KCNMB2: variants seen among roughly 807,000 people sequenced by gnomAD.
The protein encoded by KCNMB2 is calcium-activated potassium channel subunit beta-2.
A neutral mutation model predicts 24.5 loss-of-function variants in KCNMB2; 9 were observed. The ratio of observed to expected loss-of-function variants is 0.37; its 90% confidence interval spans 0.22 to 0.64. KCNMB2 has a LOEUF of 0.64. KCNMB2 is among the 30% of genes least tolerant of loss of function. KCNMB2 has a pLI of 0.63. For synonymous variants in KCNMB2, 109 were observed against 104.4 expected, an observed-to-expected ratio of 1.04 and a Z score of -0.27; for missense variants, 226 against 284.3, an observed-to-expected ratio of 0.79 and a Z score of 1.47.
chr3:178,788,945 T>C (rs1379235430), intron 1 of KCNMB2, among the ~76,000 whole-genome samples: 1 of 152,178 alleles, frequency 6.6e-6, no homozygotes. Flanking sequence ...AGCTAAAAGT[T>C]CAGTATTTGT....
intron 1 of KCNMB2, among the ~76,000 whole-genome samples, chr3:178,588,407 C>A (rs1717537618): frequency 6.6e-6 from 1 of 152,048 alleles, no homozygotes; most frequent in South Asian, 2.1e-4. Context: ...TAAAACTCTG[C>A]CTTAAGAGAG....
At chr3:178,619,301 AC>A (rs988786342) in intron 1 of KCNMB2, among the ~76,000 whole-genome samples, 7 of 152,206 alleles carry the variant, frequency 4.6e-5, no homozygotes, top group Admixed American at 1.3e-4. Context: ...GTCAGAAGTC[AC>A]ATGGAAATTG....
Position 178,756,196 on chromosome 3 carries a change from T to G in KCNMB2, c.-67-51147T>G, listed in dbSNP as rs143314746. 3.1e-3 allele frequency among the ~76,000 whole-genome samples: 464 copies of G among 152,056 alleles called. 3 individuals carry two copies. Among genetic ancestry groups the G allele is most frequent in the African/African-American group, 0.011 (444 of 41,502 alleles). ...AAATATACATATTAAAGGGTATATATAGATTTTCCACATGTGTGTGTATAT... is the reference window on the plus strand; with the variant it reads ...AAATATACATATTAAAGGGTATATAGAGATTTTCCACATGTGTGTGTATAT... On this transcript the variant is annotated intron_variant, in intron 1 of 4. Coordinates refer to ENST00000452583, the MANE Select transcript of KCNMB2 (RefSeq NM_181361.3).
At chr3:178,678,861 G>A (rs35069012) in intron 1 of KCNMB2, among the ~76,000 whole-genome samples, 49,392 of 151,832 alleles carry the variant, frequency 0.33, 8,701 homozygotes, top group African/African-American at 0.46. Flanking sequence ...TCACATTACC[G>A]GGCTCAATGT....
intron 4 of KCNMB2, among the ~76,000 whole-genome samples, chr3:178,841,300 T>C (rs757833536): frequency 6.6e-6 from 1 of 152,196 alleles, no homozygotes; most frequent in Non-Finnish European, 1.5e-5. Context: ...CTCAAAACCA[T>C]TCAACAAATC....
chr3:178,801,071 G>T (rs1713756286), intron 1 of KCNMB2, among the ~76,000 whole-genome samples: 1 of 151,748 alleles, frequency 6.6e-6, no homozygotes, highest in Non-Finnish European at 1.5e-5. Context: ...ATGGTTAATG[G>T]GTACAAAATA....
chr3:178,672,877 C>T (rs1720951276), intron 1 of KCNMB2, among the ~76,000 whole-genome samples: 1 of 152,152 alleles, frequency 6.6e-6, no homozygotes, highest in African/African-American at 2.4e-5. Flanking sequence ...GGTCATACCT[C>T]CAGGCTTGTC....
intron 4 of KCNMB2, among the ~76,000 whole-genome samples, chr3:178,839,716 A>T (rs1419225463): frequency 1.3e-5 from 2 of 152,092 alleles, no homozygotes; most frequent in African/African-American, 4.8e-5. Flanking sequence ...AAACCATCAC[A>T]TCTCATGAGA....
chr3:178,791,865 A>C (rs1560023458), intron 1 of KCNMB2, among the ~76,000 whole-genome samples: 2 of 152,036 alleles, frequency 1.3e-5, no homozygotes. Flanking sequence ...AAAAAAAAAA[A>C]AACTTTCCTC....
intron 4 of KCNMB2, among the ~76,000 whole-genome samples, chr3:178,838,416 T>C (rs1439078357): frequency 1.3e-5 from 2 of 152,178 alleles, no homozygotes; most frequent in East Asian, 3.9e-4. Context: ...TATTCTTAGC[T>C]GGTTAAATTT....
At chr3:178,739,531 G>C (rs1250906448) in intron 1 of KCNMB2, among the ~76,000 whole-genome samples, 2 of 152,116 alleles carry the variant, frequency 1.3e-5, no homozygotes, top group African/African-American at 2.4e-5. Context: ...ACCATGCTTG[G>C]TATAGGCTCT....
chr3:178,777,965 T>C lies in KCNMB2; in HGVS notation c.-67-29378T>C, dbSNP rs374827196. ...ATTATTTCCCCAGCTCCATGATTCA[T>C]CGTGGACAGCTCTAGACAAATGCTC... On this transcript the variant is annotated intron_variant, in intron 1 of 4. Coordinates refer to ENST00000452583, the MANE Select transcript of KCNMB2 (RefSeq NM_181361.3). Among the ~76,000 whole-genome samples the C allele has an allele frequency of 3.5e-4, 54 of 152,312 alleles. 1 individual carries two copies. In the South Asian group the frequency reaches 0.011, roughly 31 times the overall value.
intron 1 of KCNMB2, among the ~76,000 whole-genome samples, chr3:178,593,569 G>C (rs1166776208): frequency 6.6e-6 from 1 of 151,844 alleles, no homozygotes; most frequent in Non-Finnish European, 1.5e-5. Flanking sequence ...AAACTAACTG[G>C]TGACAAAGTT....
chr3:178,742,736 C>T (rs1193186133), intron 1 of KCNMB2, among the ~76,000 whole-genome samples: 1 of 152,150 alleles, frequency 6.6e-6, no homozygotes, highest in Non-Finnish European at 1.5e-5. Flanking sequence ...TAGTACCAAA[C>T]ATATGGCTGG....
At chr3:178,765,201 G>A (rs1268720099) in intron 1 of KCNMB2, among the ~76,000 whole-genome samples, 5 of 152,184 alleles carry the variant, frequency 3.3e-5, no homozygotes, top group Non-Finnish European at 7.3e-5. Flanking sequence ...TTGAGACTGG[G>A]CATGGACTCC....
chr3:178,788,281 G>C (rs1713186393), intron 1 of KCNMB2, among the ~76,000 whole-genome samples: 1 of 152,126 alleles, frequency 6.6e-6, no homozygotes. Context: ...AGCATAGAAG[G>C]AATCAAAACT....
chr3:178,768,881 T>A lies in KCNMB2; in HGVS notation c.-67-38462T>A, dbSNP rs1006863993. On this transcript the variant is annotated intron_variant, in intron 1 of 4. Coordinates refer to ENST00000452583, the MANE Select transcript of KCNMB2 (RefSeq NM_181361.3). ...TACTCATCAATTCAGTGTATCTAAT[T>A]TTCACATTTTTCCTTTAGTTTCACA... Among the ~76,000 whole-genome samples the A allele has an allele frequency of 6.6e-5, 10 of 152,314 alleles. No homozygotes were observed. The South Asian group carries it at 1.0e-3, about 16-fold the overall frequency.
chr3:178,648,047 A>G (rs1719980767), intron 1 of KCNMB2, among the ~76,000 whole-genome samples: 1 of 152,050 alleles, frequency 6.6e-6, no homozygotes. Context: ...CACATTTCTT[A>G]GCTCATGACA....
intron 1 of KCNMB2, among the ~76,000 whole-genome samples, chr3:178,768,434 T>C (rs1403459362): frequency 1.3e-5 from 2 of 152,128 alleles, no homozygotes; most frequent in African/African-American, 4.8e-5. Context: ...ACATGATAAA[T>C]ATTTATACAT....
Sources: gnomAD v4.1 joint callset for allele counts (sites outside exome capture counted in the v4.1 genomes callset) on GRCh38, gnomAD v4.1.1 for gene constraint, MANE v1.5 for transcripts, NCBI Gene and HGNC (gene_info 2026-07-23, HGNC 2026-07-21) for gene names.